The following WWOX variants were observed in gnomAD, a reference collection of about 807,000 sequenced individuals.
WWOX encodes the protein WW domain containing oxidoreductase.
Under a neutral mutation model 46.2 loss-of-function variants are expected in WWOX, and 69 were observed. The ratio of observed to expected loss-of-function variants is 1.49; its 90% CI spans 1.23 to 1.82. The LOEUF (loss-of-function observed/expected upper bound fraction) is 1.82. WWOX is among the 40% of genes most tolerant of loss of function. The probability of loss-of-function intolerance (pLI) is 0.00; values close to 1 mark genes in which losing one functional copy is unlikely to be tolerated. For synonymous variants in WWOX, 359 were observed against 202.6 expected (o/e 1.77, Z -6.56); for missense variants, 919 against 542.6 (o/e 1.69, Z -6.89).
chr16:78,347,407 C>T (rs1327009027), intron 5 of WWOX, among the ~76,000 whole-genome samples: 1 of 117,788 alleles, frequency 8.5e-6, no homozygotes, highest in African/African-American at 2.9e-5. Context: ...CCAGGTTATT[C>T]GCACCTCATA....
At chr16:78,767,745 A>AGG (rs2049959302) in intron 8 of WWOX, among the ~76,000 whole-genome samples, 1 of 152,174 alleles carries the variant, frequency 6.6e-6, no homozygotes, top group South Asian at 2.1e-4. Flanking sequence ...ACTTAAAAAA[A>AGG]TAGAATAGCC....
intron 4 of WWOX, among the ~76,000 whole-genome samples, chr16:78,148,897 CAAAAAAAAAA>C (rs34225165): frequency 1.9e-5 from 1 of 53,228 alleles, no homozygotes; most frequent in African/African-American, 7.9e-5. Flanking sequence ...GACTCCGTCT[CAAAAAAAAAA>C]AAAAAAAAAA....
chr16:78,870,882 A>G (rs944716908), intron 8 of WWOX, among the ~76,000 whole-genome samples: 9 of 152,142 alleles, frequency 5.9e-5, no homozygotes, highest in African/African-American at 2.2e-4. Flanking sequence ...GATTATAGGC[A>G]TGAGCCACCA....
intron 8 of WWOX, among the ~76,000 whole-genome samples, chr16:78,979,026 A>G (rs2046628073): frequency 6.6e-6 from 1 of 151,392 alleles, no homozygotes; most frequent in Non-Finnish European, 1.5e-5. Flanking sequence ...GACCTTCATC[A>G]GCATCTGCTC....
At chr16:78,358,364 TATA>T (rs2081340282) in intron 5 of WWOX, among the ~76,000 whole-genome samples, 1 of 152,178 alleles carries the variant, frequency 6.6e-6, no homozygotes, top group Non-Finnish European at 1.5e-5. Flanking sequence ...ATGTTGTAAA[TATA>T]ATAATTATAG....
intron 5 of WWOX, among the ~76,000 whole-genome samples, chr16:78,195,846 A>T (rs1330584750): frequency 6.6e-6 from 1 of 151,812 alleles, no homozygotes; most frequent in East Asian, 1.9e-4. Flanking sequence ...AAAAAGAAAA[A>T]AAAAAGATTG....
At chr16:78,519,324 G>T (rs1217832345) in intron 8 of WWOX, among the ~76,000 whole-genome samples, 2 of 152,096 alleles carry the variant, frequency 1.3e-5, no homozygotes, top group African/African-American at 4.8e-5. Context: ...TAAGCATGTT[G>T]CTCTGGTAAT....
chr16:78,758,447 C>T (rs1321479052), intron 8 of WWOX, among the ~76,000 whole-genome samples: 2 of 152,190 alleles, frequency 1.3e-5, no homozygotes, highest in Non-Finnish European at 2.9e-5. Context: ...CTTAATCATC[C>T]ATAAATTGGT....
intron 5 of WWOX, among the ~76,000 whole-genome samples, chr16:78,360,647 TTA>T (rs1251062109): frequency 8.5e-4 from 39 of 45,862 alleles, no homozygotes; most frequent in African/African-American, 1.5e-3. Context: ...TCTTGTAATT[TTA>T]GCAGTTTACC....
chr16:78,929,047 C>CT (rs1214795339), intron 8 of WWOX, among the ~76,000 whole-genome samples: 1 of 152,050 alleles, frequency 6.6e-6, no homozygotes, highest in East Asian at 1.9e-4. Context: ...AAAGAATTTC[C>CT]TTTTTGCCTT....
intron 8 of WWOX, among the ~76,000 whole-genome samples, chr16:78,809,097 G>C (rs910612997): frequency 1.6e-4 from 25 of 151,990 alleles, no homozygotes; most frequent in African/African-American, 6.0e-4. Flanking sequence ...ACGGCGTTCT[G>C]CACACAGAGT....
chr16:78,504,457 C>T lies in WWOX; in HGVS notation c.1056+71705C>T, dbSNP rs559242651. On this transcript the variant is annotated intron_variant, in intron 8 of 8. Transcript: ENST00000566780. ...TCTATCTCAGATTTTCAAGAATCCT[C>T]ATACAAATTGTCCAGGGTTTCCACC... 2.6e-4 allele frequency among the ~76,000 whole-genome samples: 40 copies of T among 152,314 alleles called. 1 individual carries two copies. The highest frequency in any genetic ancestry group is 1.0e-4 in the Non-Finnish European group (7 of 68,028).
At position 79,211,599 on chromosome 16, in the gene WWOX, G is replaced by A. The variant is rs777442435; in HGVS notation, c.1057-9G>A. 6.2e-7 allele frequency: 1 copy of A among 1,614,164 alleles called. No homozygotes were observed. The highest frequency in any genetic ancestry group is 8.5e-7 in the Non-Finnish European group (1 of 1,180,034). On this transcript the variant is annotated splice_polypyrimidine_tract_variant and intron_variant, in intron 8 of 8. Coordinates refer to ENST00000566780, the MANE Select transcript of WWOX (RefSeq NM_016373.4). ...AAATTTTTTTTTGTCTTTCTTCTTGGATTTCCAGCAACAGGGAGCTGCCAC... is the reference window on the plus strand; with the variant it reads ...AAATTTTTTTTTGTCTTTCTTCTTGAATTTCCAGCAACAGGGAGCTGCCAC...
At chr16:78,132,002 ATTTTTCTTTTTTCTTTTTC>A (rs1467921375) in intron 4 of WWOX, among the ~76,000 whole-genome samples, 1 of 143,634 alleles carries the variant, frequency 7.0e-6, no homozygotes, top group Non-Finnish European at 1.5e-5. Context: ...CTAGTCTCTG[ATTTTTCTTTTTTCTTTTTC>A]TTTTTCTTTT....
At chr16:78,944,503 C>T (rs934118476) in intron 8 of WWOX, among the ~76,000 whole-genome samples, 2 of 152,152 alleles carry the variant, frequency 1.3e-5, no homozygotes, top group African/African-American at 4.8e-5. Context: ...CAAGATACAA[C>T]AACATTTATA....
intron 8 of WWOX, among the ~76,000 whole-genome samples, chr16:78,511,834 C>G (rs531519604): frequency 6.6e-6 from 1 of 152,278 alleles, no homozygotes; most frequent in East Asian, 1.9e-4. Context: ...GAAGGGTCTG[C>G]TGGAATGAGA....
intron 8 of WWOX, among the ~76,000 whole-genome samples, chr16:79,129,806 G>T (rs1479062734): frequency 6.6e-6 from 1 of 152,130 alleles, no homozygotes; most frequent in East Asian, 1.9e-4. Flanking sequence ...CCCTCAAAGA[G>T]CTCATGGACC....
intron 8 of WWOX, among the ~76,000 whole-genome samples, chr16:79,120,615 C>T (rs1186682793): frequency 6.6e-6 from 1 of 152,204 alleles, no homozygotes; most frequent in Admixed American, 6.5e-5. Flanking sequence ...GACACTGCTT[C>T]TGGGGACACT....
chr16:78,732,572 G>A (rs1489363690), intron 8 of WWOX, among the ~76,000 whole-genome samples: 1 of 151,992 alleles, frequency 6.6e-6, no homozygotes, highest in African/African-American at 2.4e-5. Context: ...AAAGTCTTTG[G>A]GTAATTTGAT....
Sources: allele counts gnomAD v4.1 joint callset (sites outside exome capture counted in the v4.1 genomes callset), GRCh38; gene constraint gnomAD v4.1.1; transcripts MANE v1.5; gene names NCBI Gene and HGNC (gene_info 2026-07-23, HGNC 2026-07-21).